SMARCA2: variants seen among roughly 807,000 people sequenced by gnomAD.
The protein encoded by SMARCA2 is SWI/SNF-related matrix-associated actin-dependent regulator of chromatin subfamily A member 2.
A neutral mutation model predicts 199.8 loss-of-function variants in SMARCA2; 61 were observed. The ratio of observed to expected loss-of-function variants is 0.31; its 90% CI spans 0.25 to 0.38. The LOEUF is 0.38. Among genes scored for constraint, SMARCA2 ranks in the 10% least tolerant of loss-of-function variants. The pLI is 1.00. For synonymous variants in SMARCA2, 935 were observed against 732.0 expected, an observed-to-expected ratio of 1.28 and a Z score of -4.48; for missense variants, 1,344 against 2,012.2, an observed-to-expected ratio of 0.67 and a Z score of 6.35.
chr9:2,186,562 G>A (rs1054837905), intron 32 of SMARCA2, among the ~76,000 whole-genome samples: 1 of 152,126 alleles, frequency 6.6e-6, no homozygotes, highest in Non-Finnish European at 1.5e-5. Flanking sequence ...GCAGTGGCAT[G>A]ATCTTAGCTC....
At chr9:2,021,429 T>G (rs932982980) in intron 1 of SMARCA2, among the ~76,000 whole-genome samples, 4 of 152,246 alleles carry the variant, frequency 2.6e-5, no homozygotes, top group African/African-American at 9.6e-5. Flanking sequence ...TGTATCAGTT[T>G]GCACTTAAAC....
chr9:2,140,537 C>T (rs1388322771), intron 27 of SMARCA2, among the ~76,000 whole-genome samples: 3 of 152,166 alleles, frequency 2.0e-5, no homozygotes, highest in Non-Finnish European at 2.9e-5. Flanking sequence ...GTAATCACAA[C>T]CCCCAAACGC....
At chr9:2,163,480 G>T (rs549330370) in intron 28 of SMARCA2, among the ~76,000 whole-genome samples, 1 of 152,250 alleles carries the variant, frequency 6.6e-6, no homozygotes, top group Admixed American at 6.5e-5. Flanking sequence ...TAACTCTTAC[G>T]TTTTTACTCA....
At chr9:2,102,897 C>T (rs1802349650) in intron 22 of SMARCA2, among the ~76,000 whole-genome samples, 1 of 151,974 alleles carries the variant, frequency 6.6e-6, no homozygotes, top group Non-Finnish European at 1.5e-5. Context: ...CTAGTCCCAT[C>T]CTCCACCTCT....
rs375367324 is a variant in SMARCA2 at position 2,158,653 on chromosome 9, GT to G, written c.3982-3025del. The G allele has an allele frequency of 5.4e-3, 1,628 of 298,878 alleles. 24 individuals carry two copies. The highest frequency in any genetic ancestry group is 0.031 in the African/African-American group (1,450 of 46,460). The allele number at this position is 298,878 out of a possible 1,614,324, so 18.5% of individuals were successfully genotyped here. A position where few individuals can be genotyped will look rare whatever the true frequency, so the allele number is the denominator to read the frequency against. ...TTAGCATTGTGTAGCAAGTTTTGGG[GT>G]TTTTTTTGTGTGTGACCCCCCAGCC... On this transcript the variant is annotated intron_variant, in intron 27 of 33. Transcript: ENST00000349721.
intron 25 of SMARCA2, among the ~76,000 whole-genome samples, chr9:2,117,863 G>A (rs145558435): frequency 6.6e-6 from 1 of 152,202 alleles, no homozygotes; most frequent in Non-Finnish European, 1.5e-5. Flanking sequence ...AGGGGGGCTT[G>A]TGTCCTGATG....
chr9:2,073,411 C>A (rs1465806548), intron 11 of SMARCA2, 69 bp downstream of exon 11: 1 of 1,589,842 alleles, frequency 6.3e-7, no homozygotes. Flanking sequence ...TGTACGATCT[C>A]GAAACTAAAA....
rs551705375 is a variant in SMARCA2 at position 2,056,907 on chromosome 9, A to C, written c.1347+62A>C. On this transcript the variant is annotated intron_variant, in intron 7 of 33. Transcript: ENST00000349721. This position sits in a 1 kb window ranked among gnomAD's most constrained non-coding sequence, Gnocchi z 4.0. The stretch of plus-strand genomic sequence containing the variant: ...GCAGAGCTGTCCAATGAATTCATCA[A>C]ATGGGGTCAGAATGACTGAAAAATG... The C allele has an allele frequency of 3.4e-6, 5 of 1,485,358 alleles. No homozygotes were observed. Among genetic ancestry groups the C allele is most frequent in the Non-Finnish European group, 4.6e-6 (5 of 1,085,216 alleles). 92.0% of individuals were successfully genotyped at this position (1,485,358 alleles called of 1,614,324 possible).
intron 27 of SMARCA2, among the ~76,000 whole-genome samples, chr9:2,132,190 A>G (rs1368866653): frequency 2.0e-5 from 3 of 152,240 alleles, no homozygotes; most frequent in Admixed American, 2.0e-4. Flanking sequence ...GTTAAAGAAC[A>G]AGACATTTGA....
chr9:2,032,354 C>G (rs901419928), intron 2 of SMARCA2, among the ~76,000 whole-genome samples: 3 of 152,210 alleles, frequency 2.0e-5, no homozygotes, highest in African/African-American at 7.2e-5. Flanking sequence ...TATTTCCAAA[C>G]TGTGCCTTTA....
intron 32 of SMARCA2, among the ~76,000 whole-genome samples, chr9:2,187,611 A>G (rs1180142957): frequency 6.6e-6 from 1 of 152,198 alleles, no homozygotes; most frequent in Non-Finnish European, 1.5e-5. Context: ...TAGGTGTTCA[A>G]GGCTGCAGTG....
chr9:2,107,386 C>T (rs538129908), intron 23 of SMARCA2, among the ~76,000 whole-genome samples: 6 of 152,302 alleles, frequency 3.9e-5, no homozygotes, highest in East Asian at 3.9e-4. Context: ...GAGTGCATCT[C>T]GGCTCCCTGC....
chr9:2,135,734 G>A (rs1413785818), intron 27 of SMARCA2, among the ~76,000 whole-genome samples: 3 of 152,114 alleles, frequency 2.0e-5, no homozygotes, highest in Non-Finnish European at 4.4e-5. Context: ...GTAGAGATGG[G>A]GTTTCGCCAT....
At chr9:2,148,554 A>C (rs1168522167) in intron 27 of SMARCA2, among the ~76,000 whole-genome samples, 1 of 151,400 alleles carries the variant, frequency 6.6e-6, no homozygotes, top group Non-Finnish European at 1.5e-5. Flanking sequence ...GGTTTGTTAC[A>C]TATCTATACA....
chr9:2,182,392 G>A, intron 31 of SMARCA2, 150 bp downstream of exon 31: 4 of 493,902 alleles, frequency 8.1e-6, no homozygotes, highest in Non-Finnish European at 1.5e-5. Context: ...ACCTGTGTAA[G>A]AAAATAGAGG....
intron 32 of SMARCA2, among the ~76,000 whole-genome samples, chr9:2,186,939 G>C (rs1252403732): frequency 6.6e-6 from 1 of 152,214 alleles, no homozygotes; most frequent in Non-Finnish European, 1.5e-5. Context: ...CTCAAACCTG[G>C]AGGGCTTGAA....
At chr9:2,138,285 T>C (rs1217065143) in intron 27 of SMARCA2, among the ~76,000 whole-genome samples, 1 of 152,248 alleles carries the variant, frequency 6.6e-6, no homozygotes, top group East Asian at 1.9e-4. Context: ...TGTGATGCTA[T>C]ATGCCTTTTA....
At chr9:2,124,682 T>C (rs73638386) in intron 27 of SMARCA2, among the ~76,000 whole-genome samples, 17,456 of 152,226 alleles carry the variant, frequency 0.11, 2,623 homozygotes, top group African/African-American at 0.35. Context: ...ATGTTGTTTT[T>C]CCTTTGGAAA....
chr9:2,112,824 T>C (rs141877578), intron 24 of SMARCA2, among the ~76,000 whole-genome samples: 1 of 152,226 alleles, frequency 6.6e-6, no homozygotes, highest in African/African-American at 2.4e-5. Context: ...CATCTGAGTT[T>C]TCATTTAAAA....
Sources: allele counts gnomAD v4.1 joint callset (sites outside exome capture counted in the v4.1 genomes callset), GRCh38; gene constraint gnomAD v4.1.1; non-coding constraint Gnocchi (gnomAD v3.1); transcripts MANE v1.5; gene names NCBI Gene and HGNC (gene_info 2026-07-23, HGNC 2026-07-21).